PRICKLE2: variants seen among roughly 807,000 people sequenced by gnomAD.
PRICKLE2 encodes the protein prickle-like protein 2.
A neutral mutation model predicts 81.4 loss-of-function variants in PRICKLE2; 21 were observed. The observed-to-expected ratio is 0.26, with a 90% CI of 0.18 to 0.37. The LOEUF (loss-of-function observed/expected upper bound fraction) is 0.37, where lower values mean the gene tolerates loss of function less well. Among genes scored for constraint, PRICKLE2 ranks in the 10% least tolerant of loss-of-function variants. The pLI, the probability that PRICKLE2 is intolerant of heterozygous loss-of-function variation, is 1.00. For synonymous variants in PRICKLE2, 456 were observed against 421.5 expected (o/e 1.08, Z -1.00); for missense variants, 940 against 1,109.0 (o/e 0.85, Z 2.16).
intron 2 of PRICKLE2, among the ~76,000 whole-genome samples, chr3:64,168,605 G>C (rs1218122060): frequency 6.6e-6 from 1 of 152,080 alleles, no homozygotes; most frequent in Non-Finnish European, 1.5e-5. Flanking sequence ...CTGGAGGTGG[G>C]TATTTCATAC....
At chr3:64,139,219 T>G (rs1399138960) in intron 7 of PRICKLE2, among the ~76,000 whole-genome samples, 1 of 152,196 alleles carries the variant, frequency 6.6e-6, no homozygotes, top group African/African-American at 2.4e-5. Flanking sequence ...AATGCAACAC[T>G]GATCAAAGAA....
chr3:64,102,659 T>A (rs911538726), intron 7 of PRICKLE2: 37 of 152,226 alleles, frequency 2.4e-4, no homozygotes, highest in African/African-American at 7.9e-4. Flanking sequence ...ACTTGAACCA[T>A]CCCAAAGCCA....
At chr3:64,122,996 G>A (rs908369010) in intron 7 of PRICKLE2, among the ~76,000 whole-genome samples, 3 of 152,180 alleles carry the variant, frequency 2.0e-5, no homozygotes, top group Non-Finnish European at 1.5e-5. Context: ...AAATATCAGA[G>A]CAGGTGTGTG....
chr3:64,257,272 T>C (rs1055576095), intron 2 of PRICKLE2, among the ~76,000 whole-genome samples: 10 of 152,212 alleles, frequency 6.6e-5, no homozygotes, highest in Admixed American at 1.3e-4. Flanking sequence ...CACATCACTC[T>C]GCCAGTTTGT....
chr3:64,115,016 G>C (rs745743319), intron 7 of PRICKLE2, among the ~76,000 whole-genome samples: 26 of 152,306 alleles, frequency 1.7e-4, no homozygotes, highest in Non-Finnish European at 3.5e-4. Context: ...CTGAAACCCT[G>C]TAAGCCAGAA....
At chr3:64,124,566 G>A (rs1355329337) in intron 7 of PRICKLE2, among the ~76,000 whole-genome samples, 2 of 152,058 alleles carry the variant, frequency 1.3e-5, no homozygotes, top group African/African-American at 4.8e-5. Flanking sequence ...AATGCAGCTG[G>A]TGACTTTAAG....
rs2079434058 is a variant in PRICKLE2, at chr3:64,250,675, T to C, written c.129-51708A>G. 2.6e-5 allele frequency among the ~76,000 whole-genome samples: 4 copies of C among 152,360 alleles called. No homozygotes were observed. The South Asian group carries it at 8.3e-4, about 32-fold the overall frequency. The stretch of plus-strand genomic sequence containing the variant: ...TGGTTTATACTGGTTTGACTTGAGA[T>C]GTTGAACCTTGCAACCCAGAAAGGC... On this transcript the variant is annotated intron_variant, in intron 2 of 8. Coordinates refer to the PRICKLE2 transcript ENST00000295902.
At chr3:64,197,135 A>G (rs914750611) in intron 2 of PRICKLE2, among the ~76,000 whole-genome samples, 2 of 152,166 alleles carry the variant, frequency 1.3e-5, no homozygotes, top group East Asian at 1.9e-4. Context: ...TTTATTATAA[A>G]TAATTTTCTC....
intron 2 of PRICKLE2, among the ~76,000 whole-genome samples, chr3:64,196,328 CAAAA>C (rs905998179): frequency 5.3e-5 from 8 of 152,096 alleles, no homozygotes; most frequent in Admixed American, 3.3e-4. Flanking sequence ...TTCAGGTAAA[CAAAA>C]GAAAGATGGG....
intron 2 of PRICKLE2, among the ~76,000 whole-genome samples, chr3:64,169,054 T>C (rs2077887588): frequency 6.6e-6 from 1 of 152,128 alleles, no homozygotes; most frequent in South Asian, 2.1e-4. Flanking sequence ...CTAAGAATAA[T>C]ATTTCTGCAG....
rs189564202 is a variant in PRICKLE2 at position 64,241,338 on chromosome 3, A to G, written c.129-42371T>C. Among the ~76,000 whole-genome samples, 7 of 152,294 alleles carry G rather than the reference A, an allele frequency of 4.6e-5. No homozygotes were observed. In the East Asian group the frequency reaches 1.4e-3, roughly 29 times the overall value. On this transcript the variant is annotated intron_variant, in intron 2 of 8. Transcript: ENST00000295902. Reference sequence around the variant, plus strand: ...GGGGACACATTCTACACTTTTCCACAGTCCCCAGTTCTTCTCTCTGAAACA... The same window carrying G: ...GGGGACACATTCTACACTTTTCCACGGTCCCCAGTTCTTCTCTCTGAAACA...
intron 1 of PRICKLE2, among the ~76,000 whole-genome samples, chr3:64,213,951 T>C (rs2078832269): frequency 6.6e-6 from 1 of 152,158 alleles, no homozygotes; most frequent in South Asian, 2.1e-4. Flanking sequence ...CAAGATGTGC[T>C]TTTTCCCCTG....
intron 1 of PRICKLE2, among the ~76,000 whole-genome samples, chr3:64,208,316 GA>G (rs923226651): frequency 1.3e-4 from 20 of 152,148 alleles, no homozygotes; most frequent in Non-Finnish European, 2.8e-4. Context: ...TGTTAAAATT[GA>G]GCTATCACAA....
At chr3:64,130,114 G>A (rs1049443549) in intron 7 of PRICKLE2, among the ~76,000 whole-genome samples, 3 of 152,162 alleles carry the variant, frequency 2.0e-5, no homozygotes, top group South Asian at 2.1e-4. Context: ...TCCTTTGTTC[G>A]CTCATCTCCA....
chr3:64,255,460 T>C (rs1230067972), intron 2 of PRICKLE2, among the ~76,000 whole-genome samples: 2 of 152,160 alleles, frequency 1.3e-5, no homozygotes, highest in Non-Finnish European at 2.9e-5. Flanking sequence ...AGCAAGGGTT[T>C]ATACAAATCA....
chr3:64,253,693 C>T (rs1188308431), intron 2 of PRICKLE2, among the ~76,000 whole-genome samples: 1 of 152,098 alleles, frequency 6.6e-6, no homozygotes, highest in Non-Finnish European at 1.5e-5. Context: ...CTCATCCAGG[C>T]AAACACAGCC....
At chr3:64,207,801 G>A (rs1167621948) in intron 1 of PRICKLE2, among the ~76,000 whole-genome samples, 5 of 152,066 alleles carry the variant, frequency 3.3e-5, no homozygotes, top group African/African-American at 4.8e-5. Flanking sequence ...AGAGAGATGC[G>A]GCACGGATAA....
intron 2 of PRICKLE2, among the ~76,000 whole-genome samples, chr3:64,172,882 T>C (rs1178904625): frequency 6.6e-6 from 1 of 152,204 alleles, no homozygotes; most frequent in African/African-American, 2.4e-5. Context: ...AAAGGCCATC[T>C]GCAAGCCAGG....
At chr3:64,266,698 C>T (rs1415903550) in intron 2 of PRICKLE2, among the ~76,000 whole-genome samples, 2 of 152,118 alleles carry the variant, frequency 1.3e-5, no homozygotes, top group African/African-American at 4.8e-5. Flanking sequence ...CAGACAGGGC[C>T]ATGTCCATGT....
Sources: gnomAD v4.1 joint callset for allele counts (sites outside exome capture counted in the v4.1 genomes callset) on GRCh38, gnomAD v4.1.1 for gene constraint, MANE v1.5 for transcripts, NCBI Gene and HGNC (gene_info 2026-07-23, HGNC 2026-07-21) for gene names.